DNAJC6: variants seen among roughly 807,000 people sequenced by gnomAD.
DNAJC6 encodes the protein DnaJ heat shock protein family (Hsp40) member C6.
A neutral mutation model predicts 110.0 loss-of-function variants in DNAJC6; 34 were observed. That is an observed-to-expected ratio of 0.31 (90% CI 0.24 to 0.41). The LOEUF (loss-of-function observed/expected upper bound fraction) is 0.41, where lower values mean the gene tolerates loss of function less well. Ranked by LOEUF, DNAJC6 falls within the 10% of genes least tolerant of loss-of-function variation. DNAJC6 has a pLI of 1.00. For missense variants in DNAJC6, 1,031 were observed against 1,207.8 expected, an observed-to-expected ratio of 0.85 and a Z score of 2.17; for synonymous variants, 406 against 437.2, an observed-to-expected ratio of 0.93 and a Z score of 0.89.
At chr1:65,269,225 G>A (rs1397952145) in intron 1 of DNAJC6, among the ~76,000 whole-genome samples, 5 of 151,930 alleles carry the variant, frequency 3.3e-5, no homozygotes, top group African/African-American at 7.3e-5. Flanking sequence ...GAAATGAGCC[G>A]GGCATGGTGG....
chr1:65,276,315 T>C (rs1335868771), intron 1 of DNAJC6, among the ~76,000 whole-genome samples: 3 of 152,244 alleles, frequency 2.0e-5, no homozygotes, highest in South Asian at 2.1e-4. Context: ...TTTTATCTCT[T>C]CTGTTTTTCT....
intron 1 of DNAJC6, among the ~76,000 whole-genome samples, chr1:65,280,323 C>T (rs140356745): frequency 3.5e-4 from 53 of 152,050 alleles, no homozygotes; most frequent in African/African-American, 1.2e-3. Flanking sequence ...TCAGATTATT[C>T]ATATTTTTTT....
chr1:65,288,631 CAGG>C (rs762879272), intron 1 of DNAJC6, among the ~76,000 whole-genome samples: 7 of 152,310 alleles, frequency 4.6e-5, no homozygotes, highest in African/African-American at 1.2e-4. Context: ...AATCAAGTAA[CAGG>C]AGGTTACTAG....
intron 1 of DNAJC6, among the ~76,000 whole-genome samples, chr1:65,360,988 T>C (rs1173217405): frequency 2.0e-5 from 3 of 152,120 alleles, no homozygotes; most frequent in African/African-American, 7.2e-5. Flanking sequence ...CTCATCTTGA[T>C]TATAGTTGTT....
intron 13 of DNAJC6, among the ~76,000 whole-genome samples, 160 bp from the exon 14 acceptor site, chr1:65,398,653 T>G (rs1206583404): frequency 6.6e-6 from 1 of 152,212 alleles, no homozygotes; most frequent in African/African-American, 2.4e-5. Context: ...ATATTGAATG[T>G]TGCAGAGTGT....
chr1:65,307,010 C>CTA (rs1282683088), upstream of DNAJC6, among the ~76,000 whole-genome samples: 188 of 84,700 alleles, frequency 2.2e-3, 1 homozygote, highest in African/African-American at 6.4e-3. Flanking sequence ...CTCTCTCTCT[C>CTA]TCTCTCTCTA....
chr1:65,378,164 C>T (rs1396992923), intron 4 of DNAJC6, among the ~76,000 whole-genome samples: 1 of 152,198 alleles, frequency 6.6e-6, no homozygotes, highest in Non-Finnish European at 1.5e-5. Flanking sequence ...CCCTTATTGA[C>T]ACTCCTCACC....
chr1:65,342,061 C>T (rs1247480871), intron 1 of DNAJC6, among the ~76,000 whole-genome samples: 1 of 152,164 alleles, frequency 6.6e-6, no homozygotes, highest in Non-Finnish European at 1.5e-5. Context: ...AGGCCAAGGT[C>T]TGCCTTTTTT....
At chr1:65,372,624 C>T (rs1295914046) in intron 4 of DNAJC6, among the ~76,000 whole-genome samples, 1 of 152,052 alleles carries the variant, frequency 6.6e-6, no homozygotes, top group African/African-American at 2.4e-5. Context: ...ATACTTTACA[C>T]ACTAGATAAT....
In DNAJC6 at chr1:65,392,588, G is replaced by A. The variant is rs1370435232; in HGVS notation, c.1626G>A (p.Gln542=). ...GAGTCAAGAAGCCCAGCAAAAAGCA[G>A]CAGGAGCCAGCAGCCCCTCCACCCC... is the stretch of plus-strand genomic sequence containing the variant. The part of the protein sequence containing the change: ...PHGVKKPSKK[Q]QEPAAPPPPE... The change falls in exon 12 of 19, where the codon CAG becomes CAA. Residue 542 remains glutamine (Q), a synonymous_variant. Coordinates refer to ENST00000371069, the MANE Select transcript of DNAJC6 (RefSeq NM_001256864.2). 6.2e-7 allele frequency: 1 copy of A among 1,614,068 alleles called. No homozygotes were observed. The highest frequency in any genetic ancestry group is 1.7e-5 in the Admixed American group (1 of 60,008).
intron 1 of DNAJC6, among the ~76,000 whole-genome samples, chr1:65,331,189 C>T (rs1645285601): frequency 6.6e-6 from 1 of 152,194 alleles, no homozygotes; most frequent in South Asian, 2.1e-4. Context: ...TCTTCAGCTC[C>T]AGGGAAACAA....
intron 1 of DNAJC6, chr1:65,298,761 C>G (rs1292925872): frequency 2.0e-5 from 3 of 152,206 alleles, no homozygotes; most frequent in Non-Finnish European, 2.9e-5. Flanking sequence ...TCACTTTGTA[C>G]TCTGAGAGAT....
intron 1 of DNAJC6, among the ~76,000 whole-genome samples, chr1:65,283,664 A>G (rs1023567487): frequency 1.3e-5 from 2 of 152,200 alleles, no homozygotes; most frequent in Admixed American, 1.3e-4. Flanking sequence ...CTTTGGGATA[A>G]ATGCCCAATA....
At chr1:65,330,690 A>G (rs1326075872) in intron 1 of DNAJC6, among the ~76,000 whole-genome samples, 1 of 152,142 alleles carries the variant, frequency 6.6e-6, no homozygotes. Context: ...GATGGTCTCA[A>G]TCTCCTGACC....
chr1:65,398,824 C>T lies in DNAJC6; in HGVS notation c.2050C>T (p.Pro684Ser). 6.2e-7 allele frequency: 1 copy of T among 1,614,062 alleles called. No homozygotes were observed. Among genetic ancestry groups the T allele is most frequent in the South Asian group, 1.1e-5 (1 of 91,082 alleles). ...TTCCCCATTTGCAGCTTCTAGTACG[C>T]CTGCTGTGAACATTCAGCCAGATGT... ...PSPTVHASST[P>S]AVNIQPDVSG... The change falls in exon 14 of 19, where the codon CCT becomes TCT. Residue 684 changes from proline (P) to serine (S), a missense_variant. Pro to Ser is a moderately conservative substitution (Grantham distance 74). Coordinates refer to ENST00000371069, the MANE Select transcript of DNAJC6 (RefSeq NM_001256864.2).
chr1:65,366,616 T>C (rs1645649111), intron 4 of DNAJC6, among the ~76,000 whole-genome samples: 1 of 152,238 alleles, frequency 6.6e-6, no homozygotes, highest in African/African-American at 2.4e-5. Context: ...CTGACAAGTA[T>C]TAATGGGAAC....
At position 65,264,987 on chromosome 1, in the gene DNAJC6, C is replaced by G. The variant is rs980039049; in HGVS notation, c.-131+55C>G. 2.6e-5 allele frequency: 40 copies of G among 1,542,812 alleles called. No individual in the cohort carries two copies. The Admixed American group carries it at 3.6e-4, about 14-fold the overall frequency. On this transcript the variant is annotated intron_variant, in intron 1 of 19. Transcript: ENST00000263441. Reference sequence around the variant, plus strand: ...AGAGAGGGCTAAAGGCTAAAAGATGCTAGGGATGCGATGTCACTCCACAGA... The same window carrying G: ...AGAGAGGGCTAAAGGCTAAAAGATGGTAGGGATGCGATGTCACTCCACAGA...
Position 65,413,177 on chromosome 1 carries a change from G to A in DNAJC6, c.*152G>A. ...TCATGAATTAATTTCTCATTGATAA[G>A]GAATGTGGATGTTTGGTTTCTCCAA... is the stretch of plus-strand genomic sequence containing the variant. On this transcript the variant is annotated 3_prime_UTR_variant, in exon 19 of 19. Transcript: ENST00000371069. The A allele has an allele frequency of 1.6e-6, 1 of 615,904 alleles. No homozygotes were observed. The highest frequency in any genetic ancestry group is 2.7e-6 in the Non-Finnish European group (1 of 364,108). 38.2% of individuals were successfully genotyped at this position (615,904 alleles called of 1,614,324 possible).
intron 1 of DNAJC6, among the ~76,000 whole-genome samples, chr1:65,331,311 G>A (rs1339014362): frequency 6.6e-6 from 1 of 152,204 alleles, no homozygotes; most frequent in Non-Finnish European, 1.5e-5. Context: ...GTGAAAGACT[G>A]AAAATCAGAA....
Sources: gnomAD v4.1 joint callset for allele counts (sites outside exome capture counted in the v4.1 genomes callset) on GRCh38, gnomAD v4.1.1 for gene constraint, MANE v1.5 for transcripts, NCBI Gene and HGNC (gene_info 2026-07-23, HGNC 2026-07-21) for gene names.